SIPA1L1: variants seen among roughly 807,000 people sequenced by gnomAD.
SIPA1L1 encodes the protein signal-induced proliferation-associated 1-like protein 1.
SIPA1L1 carries 26 observed loss-of-function variants against 162.7 expected under a neutral mutation model. That is an observed-to-expected ratio of 0.16 (90% CI 0.12 to 0.22). The LOEUF (loss-of-function observed/expected upper bound fraction) is 0.22, where lower values mean the gene tolerates loss of function less well. Among genes scored for constraint, SIPA1L1 ranks in the 10% least tolerant of loss-of-function variants. SIPA1L1 has a pLI of 1.00. For missense variants in SIPA1L1, 1,874 were observed against 2,241.0 expected, an observed-to-expected ratio of 0.84 and a Z score of 3.31; for synonymous variants, 829 against 837.4, an observed-to-expected ratio of 0.99 and a Z score of 0.17.
At chr14:71,565,408 G>T (rs993407476) in intron 4 of SIPA1L1, among the ~76,000 whole-genome samples, 1 of 152,196 alleles carries the variant, frequency 6.6e-6, no homozygotes, top group Non-Finnish European at 1.5e-5. Context: ...GAAGGGGTTT[G>T]GTAGGCCTGC....
intron 2 of SIPA1L1, among the ~76,000 whole-genome samples, chr14:71,370,279 G>A (rs1196551839): frequency 6.6e-6 from 1 of 151,646 alleles, no homozygotes; most frequent in South Asian, 2.1e-4. Flanking sequence ...TGCCCATTCA[G>A]TATTATATTG....
chr14:71,630,147 T>C (rs1489491414), intron 7 of SIPA1L1, among the ~76,000 whole-genome samples: 1 of 152,228 alleles, frequency 6.6e-6, no homozygotes, highest in African/African-American at 2.4e-5. Flanking sequence ...TATTAGCTAA[T>C]GCATGTTTAG....
At chr14:71,519,320 T>C (rs2052064039) in intron 3 of SIPA1L1, among the ~76,000 whole-genome samples, 1 of 151,998 alleles carries the variant, frequency 6.6e-6, no homozygotes, top group African/African-American at 2.4e-5. Context: ...AAAACCCTCC[T>C]AATAAAATCC....
chr14:71,509,422 G>GT (rs976562995), intron 2 of SIPA1L1, among the ~76,000 whole-genome samples: 4 of 152,082 alleles, frequency 2.6e-5, no homozygotes, highest in Admixed American at 6.6e-5. Context: ...CAGAACAATT[G>GT]TTTTTTTGTA....
intron 2 of SIPA1L1, among the ~76,000 whole-genome samples, chr14:71,336,909 C>T (rs912459578): frequency 6.6e-6 from 1 of 151,876 alleles, no homozygotes; most frequent in Non-Finnish European, 1.5e-5. Flanking sequence ...TTAGCTTTTG[C>T]TCTTAGTTTT....
intron 2 of SIPA1L1, among the ~76,000 whole-genome samples, chr14:71,476,206 G>A (rs2047834364): frequency 6.6e-6 from 1 of 152,202 alleles, no homozygotes; most frequent in Admixed American, 6.5e-5. Context: ...AAGGAGGTAT[G>A]TATAACCCGG....
intron 2 of SIPA1L1, among the ~76,000 whole-genome samples, chr14:71,449,345 C>A (rs766863009): frequency 6.6e-6 from 1 of 152,160 alleles, no homozygotes; most frequent in Non-Finnish European, 1.5e-5. Flanking sequence ...CCAGATTGGG[C>A]TTTTGTTTTT....
chr14:71,671,929 G>GTT (rs2044570814), intron 11 of SIPA1L1, among the ~76,000 whole-genome samples: 1 of 151,880 alleles, frequency 6.6e-6, no homozygotes, highest in Non-Finnish European at 1.5e-5. Flanking sequence ...GTGTGTGTGT[G>GTT]TGTGTGTGTG....
chr14:71,585,038 G>C (rs2034408414), intron 4 of SIPA1L1, among the ~76,000 whole-genome samples: 1 of 150,950 alleles, frequency 6.6e-6, no homozygotes, highest in Non-Finnish European at 1.5e-5. Flanking sequence ...TTTTTGACTG[G>C]TAGTTTAATA....
chr14:71,506,824 T>A (rs1266502410), intron 2 of SIPA1L1, among the ~76,000 whole-genome samples: 1 of 151,688 alleles, frequency 6.6e-6, no homozygotes, highest in Non-Finnish European at 1.5e-5. Context: ...ATCTTTTTTT[T>A]TTTTTTCCTT....
chr14:71,378,365 A>G (rs758627992), intron 2 of SIPA1L1, among the ~76,000 whole-genome samples: 10 of 151,654 alleles, frequency 6.6e-5, no homozygotes, highest in Non-Finnish European at 8.8e-5. Flanking sequence ...CATGTTTTCT[A>G]TTTGTTGCCA....
intron 2 of SIPA1L1, among the ~76,000 whole-genome samples, chr14:71,388,747 A>G (rs767891394): frequency 7.2e-5 from 11 of 152,228 alleles, no homozygotes; most frequent in Non-Finnish European, 1.5e-4. Flanking sequence ...GCTGAACATC[A>G]GAATCATCTG....
At chr14:71,670,855 A>G (rs777729829) in intron 10 of SIPA1L1, among the ~76,000 whole-genome samples, 1 of 149,240 alleles carries the variant, frequency 6.7e-6, no homozygotes, top group Non-Finnish European at 1.5e-5. Flanking sequence ...CCTGTCTGGT[A>G]AAAAAAAAGT....
At chr14:71,720,886 C>G (rs1005929769) in intron 17 of SIPA1L1, among the ~76,000 whole-genome samples, 1 of 152,020 alleles carries the variant, frequency 6.6e-6, no homozygotes, top group Admixed American at 6.6e-5. Flanking sequence ...TGAACTTGCT[C>G]GAGGACAGGT....
At chr14:71,512,547 A>G (rs1454621306) in intron 2 of SIPA1L1, among the ~76,000 whole-genome samples, 196 bp from the exon 3 acceptor site, 4 of 148,188 alleles carry the variant, frequency 2.7e-5, no homozygotes, top group African/African-American at 1.0e-4. Context: ...AGATCGCGCC[A>G]CTGCACTCCA....
At chr14:71,488,008 C>G (rs1241601951) in intron 2 of SIPA1L1, among the ~76,000 whole-genome samples, 1 of 152,172 alleles carries the variant, frequency 6.6e-6, no homozygotes, top group African/African-American at 2.4e-5. Context: ...CATGACAAAT[C>G]AAGGCTTTTG....
chr14:71,642,682 A>T (rs2041831859), intron 7 of SIPA1L1, among the ~76,000 whole-genome samples: 1 of 152,194 alleles, frequency 6.6e-6, no homozygotes, highest in South Asian at 2.1e-4. Flanking sequence ...CAATCATTTA[A>T]TTAAAAACTA....
chr14:71,656,333 G>GA (rs1183086304), intron 8 of SIPA1L1, among the ~76,000 whole-genome samples: 1 of 81,972 alleles, frequency 1.2e-5, no homozygotes, highest in Non-Finnish European at 2.4e-5. Context: ...GAATACCAAT[G>GA]ACATTTTTTT....
intron 2 of SIPA1L1, among the ~76,000 whole-genome samples, chr14:71,403,386 T>TC (rs2041815258): frequency 6.6e-6 from 1 of 151,912 alleles, no homozygotes. Context: ...GATCATGAGG[T>TC]CGGGAGTTTA....
Sources: gnomAD v4.1 joint callset for allele counts (sites outside exome capture counted in the v4.1 genomes callset) on GRCh38, gnomAD v4.1.1 for gene constraint, MANE v1.5 for transcripts, NCBI Gene and HGNC (gene_info 2026-07-23, HGNC 2026-07-21) for gene names.